Variants in MYO5B observed in about 807,000 individuals in gnomAD.
MYO5B encodes myosin VB, also known as unconventional myosin-Vb.
In MYO5B, 143 loss-of-function variants were observed where a neutral mutation model predicts 229.3. The ratio of observed to expected loss-of-function variants is 0.62; its 90% CI spans 0.54 to 0.72. MYO5B has a LOEUF of 0.72. MYO5B is among the 30% of genes least tolerant of loss of function. The pLI is 0.00. For synonymous variants in MYO5B, 918 were observed against 885.2 expected (o/e 1.04, Z -0.66); for missense variants, 2,321 against 2,331.0 (o/e 1.00, Z 0.09).
chr18:50,167,956 T>TA (rs1242184158), intron 1 of MYO5B, among the ~76,000 whole-genome samples: 4 of 152,084 alleles, frequency 2.6e-5, no homozygotes, highest in Non-Finnish European at 5.9e-5. Context: ...CAGTCTAGGT[T>TA]AAAAAAACAA....
At chr18:50,016,293 C>A (rs561625530) in intron 4 of MYO5B, among the ~76,000 whole-genome samples, 2 of 152,292 alleles carry the variant, frequency 1.3e-5, no homozygotes, top group African/African-American at 4.8e-5. Flanking sequence ...CCTGTGTGAA[C>A]CCAATTCCTA....
At chr18:49,926,015 T>G (rs1204433556) in intron 17 of MYO5B, among the ~76,000 whole-genome samples, 1 of 152,214 alleles carries the variant, frequency 6.6e-6, no homozygotes, top group Non-Finnish European at 1.5e-5. Flanking sequence ...AGTTGTTAGC[T>G]ATTTGTGTTC....
At chr18:50,038,607 C>CACTG (rs2029907634) in intron 3 of MYO5B, among the ~76,000 whole-genome samples, 1 of 152,160 alleles carries the variant, frequency 6.6e-6, no homozygotes, top group Admixed American at 6.5e-5. Context: ...ACTCCGAGGT[C>CACTG]ACGTGTTTTC....
chr18:50,038,638 CA>C (rs1479964103), intron 3 of MYO5B, among the ~76,000 whole-genome samples: 1 of 152,188 alleles, frequency 6.6e-6, no homozygotes, highest in Non-Finnish European at 1.5e-5. Flanking sequence ...CTGGCCCCTC[CA>C]GAGCAGCATC....
rs2025019747 is a variant in MYO5B at position 49,916,750 on chromosome 18, C to T, written c.2091-4577G>A. 1.3e-5 allele frequency among the ~76,000 whole-genome samples: 2 copies of T among 151,996 alleles called. 1 individual carries two copies. The highest frequency in any genetic ancestry group is 4.2e-4 in the South Asian group (2 of 4,804). On this transcript the variant is annotated intron_variant, in intron 17 of 39. Transcript: ENST00000285039. ...GAGAGTTCAGTACCCACTATGGGGTCTGGGAAAAGGGCTGTAAAGATGTCG... is the reference window on the plus strand; with the variant it reads ...GAGAGTTCAGTACCCACTATGGGGTTTGGGAAAAGGGCTGTAAAGATGTCG...
intron 34 of MYO5B, 62 bp downstream of exon 34, chr18:49,843,179 C>G: frequency 6.2e-7 from 1 of 1,600,786 alleles, no homozygotes; most frequent in South Asian, 1.1e-5. Flanking sequence ...AGAGAAGCAA[C>G]AGTAAGGGGC....
At chr18:50,004,545 G>A (rs1395033002) in intron 4 of MYO5B, among the ~76,000 whole-genome samples, 2 of 152,208 alleles carry the variant, frequency 1.3e-5, no homozygotes, top group Non-Finnish European at 2.9e-5. Flanking sequence ...GAGGTAAAAT[G>A]TCTGGAAAAA....
At chr18:49,870,401 A>G (rs958695025) in intron 27 of MYO5B, among the ~76,000 whole-genome samples, 1 of 152,210 alleles carries the variant, frequency 6.6e-6, no homozygotes, top group African/African-American at 2.4e-5. Context: ...TAAACATGAC[A>G]CCAAAGGCAC....
At chr18:50,064,578 A>G (rs2030773011) in intron 1 of MYO5B, 1 of 152,192 alleles carries the variant, frequency 6.6e-6, no homozygotes, top group Admixed American at 6.5e-5. Flanking sequence ...TCATTTTCAA[A>G]GCTCACTGAC....
intron 1 of MYO5B, among the ~76,000 whole-genome samples, chr18:50,078,781 C>T (rs976839174): frequency 6.6e-6 from 1 of 152,106 alleles, no homozygotes; most frequent in Non-Finnish European, 1.5e-5. Context: ...TACCAAAAGA[C>T]AAGTACAAGA....
chr18:50,165,395 A>C (rs775448324), intron 1 of MYO5B, among the ~76,000 whole-genome samples: 3 of 152,094 alleles, frequency 2.0e-5, no homozygotes, highest in Non-Finnish European at 4.4e-5. Context: ...TGGGAGAATC[A>C]CTTGAGTCCA....
chr18:49,951,308 T>C (rs1015956801), intron 14 of MYO5B, among the ~76,000 whole-genome samples: 1 of 152,202 alleles, frequency 6.6e-6, no homozygotes, highest in Non-Finnish European at 1.5e-5. Context: ...AGCAAATGGT[T>C]GAACCTGGGG....
chr18:50,024,422 A>C (rs2144363132), intron 4 of MYO5B, among the ~76,000 whole-genome samples: 1 of 152,316 alleles, frequency 6.6e-6, no homozygotes, highest in African/African-American at 2.4e-5. Flanking sequence ...ACATTTTCTC[A>C]AAAGACATCC....
intron 8 of MYO5B, among the ~76,000 whole-genome samples, chr18:49,983,808 G>A (rs576791544): frequency 2.1e-4 from 32 of 152,328 alleles, no homozygotes; most frequent in Admixed American, 5.2e-4. Flanking sequence ...GGCTCTGGGA[G>A]CGTGGCAAAT....
In MYO5B at chr18:49,958,412, C is replaced by T. The variant is rs986256865; in HGVS notation, c.1545+3854G>A. 3.9e-5 allele frequency among the ~76,000 whole-genome samples: 6 copies of T among 152,318 alleles called. No homozygotes were observed. The South Asian group carries it at 8.3e-4, about 21-fold the overall frequency. On this transcript the variant is annotated intron_variant, in intron 12 of 39. Coordinates refer to ENST00000285039, the MANE Select transcript of MYO5B (RefSeq NM_001080467.3). ...CTCCATTCTCTTCAAGCTTCTGACC[C>T]TGCTGCCTCTCAGCAGATGCCTCGT...
chr18:49,957,551 C>T (rs551648572), intron 12 of MYO5B, among the ~76,000 whole-genome samples: 3 of 152,124 alleles, frequency 2.0e-5, no homozygotes, highest in Non-Finnish European at 4.4e-5. Flanking sequence ...GAGACTAAGG[C>T]AGGAGGATCG....
chr18:49,841,814 G>C (rs2024061147), intron 34 of MYO5B, among the ~76,000 whole-genome samples: 1 of 152,234 alleles, frequency 6.6e-6, no homozygotes, highest in Non-Finnish European at 1.5e-5. Context: ...GCCTGGGCTA[G>C]CTGGCTCTGT....
intron 1 of MYO5B, among the ~76,000 whole-genome samples, chr18:50,106,388 C>G (rs1360461781): frequency 6.6e-6 from 1 of 152,226 alleles, no homozygotes; most frequent in Non-Finnish European, 1.5e-5. Flanking sequence ...GCCCTCCTCA[C>G]TGTTCTTGGG....
At position 49,974,667 on chromosome 18, in the gene MYO5B, C is replaced by A. The variant is rs111873307; in HGVS notation, c.1057-52G>T. The A allele has an allele frequency of 1.0e-4, 160 of 1,585,552 alleles. No individual in the cohort carries two copies. In the African/African-American group the frequency reaches 1.8e-3, roughly 18 times the overall value. The stretch of plus-strand genomic sequence containing the variant: ...AGGAGGAGTGTGGGAGACAAGCCGC[C>A]CCCCACCAATGTCTTCCACCCTCCT... On this transcript the variant is annotated intron_variant, in intron 9 of 39. Transcript: ENST00000285039.
Sources: gnomAD v4.1 joint callset for allele counts (sites outside exome capture counted in the v4.1 genomes callset) on GRCh38, gnomAD v4.1.1 for gene constraint, MANE v1.5 for transcripts, NCBI Gene and HGNC (gene_info 2026-07-23, HGNC 2026-07-21) for gene names.